DENND2B: variants seen among roughly 807,000 people sequenced by gnomAD.
DENND2B encodes DENN domain-containing protein 2B.
Under a neutral mutation model 116.0 loss-of-function variants are expected in DENND2B, and 32 were observed. That is an observed-to-expected ratio of 0.28 (90% CI 0.21 to 0.37). The LOEUF (loss-of-function observed/expected upper bound fraction) is 0.37, where lower values mean the gene tolerates loss of function less well. Ranked by LOEUF, DENND2B falls within the 10% of genes least tolerant of loss-of-function variation. The probability of loss-of-function intolerance (pLI) is 1.00; values close to 1 mark genes in which losing one functional copy is unlikely to be tolerated. For missense variants in DENND2B, 1,276 were observed against 1,477.7 expected, an observed-to-expected ratio of 0.86 and a Z score of 2.24; for synonymous variants, 588 against 583.9, an observed-to-expected ratio of 1.01 and a Z score of -0.10.
At chr11:8,894,310 G>A (rs1395277061) in intron 1 of DENND2B, among the ~76,000 whole-genome samples, 1 of 152,134 alleles carries the variant, frequency 6.6e-6, no homozygotes, top group Non-Finnish European at 1.5e-5. Flanking sequence ...AGAAAACTTA[G>A]GCAATACCAT....
chr11:8,718,102 C>CCACCCCCG, intron 4 of DENND2B: 3 of 275,928 alleles, frequency 1.1e-5, no homozygotes, highest in South Asian at 8.4e-5. Context: ...ACCCACCCCC[C>CCACCCCCG]CACCCCCCCC....
chr11:8,726,046 C>T (rs1172743035), intron 4 of DENND2B, 27 bp downstream of exon 4: 2 of 1,613,382 alleles, frequency 1.2e-6, no homozygotes, highest in African/African-American at 1.3e-5. Context: ...CTGAGATGAC[C>T]CAGGTGCCAC....
At chr11:8,805,204 G>C (rs1292558461) in intron 1 of DENND2B, among the ~76,000 whole-genome samples, 3 of 152,176 alleles carry the variant, frequency 2.0e-5, no homozygotes, top group African/African-American at 7.2e-5. Flanking sequence ...GCACTGCAAT[G>C]CATGTCAGAT....
At chr11:8,732,522 C>A (rs2048289200) in intron 2 of DENND2B, among the ~76,000 whole-genome samples, 1 of 152,102 alleles carries the variant, frequency 6.6e-6, no homozygotes, top group South Asian at 2.1e-4. Context: ...CACACCCCTG[C>A]CACAGCACTT....
intron 2 of DENND2B, among the ~76,000 whole-genome samples, chr11:8,863,236 C>T (rs932943735): frequency 3.3e-5 from 5 of 150,508 alleles, no homozygotes; most frequent in African/African-American, 1.2e-4. Flanking sequence ...ACCCACGCCC[C>T]ATGACTCTTA....
chr11:8,889,770 G>C (rs541878997), intron 1 of DENND2B, among the ~76,000 whole-genome samples: 1 of 152,202 alleles, frequency 6.6e-6, no homozygotes, highest in African/African-American at 2.4e-5. Flanking sequence ...GGAGTCCACC[G>C]CAGCTCAAGG....
intron 4 of DENND2B, among the ~76,000 whole-genome samples, chr11:8,817,085 C>T (rs1166982917): frequency 2.0e-5 from 3 of 152,158 alleles, no homozygotes; most frequent in African/African-American, 7.2e-5. Flanking sequence ...TGCTAAATTA[C>T]AGAATGGGGA....
intron 1 of DENND2B, among the ~76,000 whole-genome samples, chr11:8,767,411 TGA>T (rs1442315379): frequency 1.5e-4 from 18 of 123,920 alleles, no homozygotes; most frequent in Admixed American, 1.4e-3. Flanking sequence ...TGAGAGACCC[TGA>T]GAGGCCAAAA....
chr11:8,909,915 G>A (rs1268537631), intron 1 of DENND2B: 1 of 152,172 alleles, frequency 6.6e-6, no homozygotes, highest in Non-Finnish European at 1.5e-5. Context: ...AAGCATCGGC[G>A]CTTTGCTTTG....
chr11:8,707,349 TG>T lies in DENND2B; in HGVS notation c.2431-125del. The T allele has an allele frequency of 7.6e-7, 1 of 1,313,556 alleles. No individual in the cohort carries two copies. Among genetic ancestry groups the T allele is most frequent in the Non-Finnish European group, 1.0e-6 (1 of 977,146 alleles). The allele number at this position is 1,313,556 out of a possible 1,614,324, so 81.4% of individuals were successfully genotyped here. A position where few individuals can be genotyped will look rare whatever the true frequency, so the allele number is the denominator to read the frequency against. On this transcript the variant is annotated intron_variant, in intron 12 of 19. Coordinates refer to ENST00000313726, the MANE Select transcript of DENND2B (RefSeq NM_213618.2). The surrounding 1 kb of genome is among the most constrained non-coding windows in gnomAD (Gnocchi z 4.8). Reference sequence around the variant, plus strand: ...GCCCAGAAGCTGGGAGACGGGAAGGTGGTCTTGCCATGATCTGCACACTCTA... The same window carrying T: ...GCCCAGAAGCTGGGAGACGGGAAGGTGTCTTGCCATGATCTGCACACTCTA...
intron 1 of DENND2B, chr11:8,809,667 A>T (rs201868694): frequency 6.6e-6 from 1 of 152,216 alleles, no homozygotes; most frequent in East Asian, 1.9e-4. Context: ...ACTTAGGACA[A>T]TCAGTGTAGG....
intron 10 of DENND2B, 51 bp downstream of exon 10, chr11:8,711,069 TGG>T (rs1387351715): frequency 6.3e-7 from 1 of 1,590,470 alleles, no homozygotes. Context: ...GCCCACGCTA[TGG>T]GGGTAAAGAA....
chr11:8,877,783 C>T (rs983188726), intron 2 of DENND2B, among the ~76,000 whole-genome samples: 1 of 152,116 alleles, frequency 6.6e-6, no homozygotes, highest in Non-Finnish European at 1.5e-5. Context: ...AAAAAAATCA[C>T]GATTGTATCT....
intron 1 of DENND2B, among the ~76,000 whole-genome samples, chr11:8,805,294 G>T (rs185639865): frequency 6.6e-6 from 1 of 152,306 alleles, no homozygotes; most frequent in East Asian, 1.9e-4. Flanking sequence ...AAGAGTCACT[G>T]AGAGTTGAAC....
chr11:8,757,072 CCAGA>C (rs1157710624), intron 1 of DENND2B: 1 of 456,242 alleles, frequency 2.2e-6, no homozygotes, highest in South Asian at 1.5e-5. Flanking sequence ...CAAACTGCAT[CCAGA>C]CAAACAGGCA....
chr11:8,835,599 C>T (rs1594172447), intron 4 of DENND2B: 1 of 152,192 alleles, frequency 6.6e-6, no homozygotes, highest in African/African-American at 2.4e-5. Context: ...CTGAAGAACA[C>T]TTACCTGAGG....
rs1233235690 is a variant in DENND2B, at chr11:8,726,225, G to T, written c.1341-16C>A. 1 of 1,598,308 alleles carries T rather than the reference G, an allele frequency of 6.3e-7. No individual in the cohort carries two copies. The highest frequency in any genetic ancestry group is 1.3e-5 in the African/African-American group (1 of 74,366). On this transcript the variant is annotated splice_polypyrimidine_tract_variant and intron_variant, in intron 3 of 19. Transcript: ENST00000313726. Reference sequence around the variant, plus strand: ...AAAGGATTTTCTGTGGATAACAAGAGCAAGAGTCATTCCTGCTGAATCAGA... The same window carrying T: ...AAAGGATTTTCTGTGGATAACAAGATCAAGAGTCATTCCTGCTGAATCAGA...
At chr11:8,894,007 G>A (rs1435113664) in intron 1 of DENND2B, among the ~76,000 whole-genome samples, 1 of 151,324 alleles carries the variant, frequency 6.6e-6, no homozygotes. Flanking sequence ...ATACTACAAG[G>A]CTACAGTAAC....
intron 4 of DENND2B, among the ~76,000 whole-genome samples, chr11:8,837,918 A>G (rs1428327579): frequency 1.3e-5 from 2 of 152,212 alleles, no homozygotes; most frequent in Non-Finnish European, 1.5e-5. Flanking sequence ...TTTATGAAGG[A>G]GGTGGAAGGT....
Sources: gnomAD v4.1 joint callset for allele counts (sites outside exome capture counted in the v4.1 genomes callset) on GRCh38, gnomAD v4.1.1 for gene constraint, Gnocchi (gnomAD v3.1) non-coding constraint, MANE v1.5 for transcripts, NCBI Gene and HGNC (gene_info 2026-07-23, HGNC 2026-07-21) for gene names.